Variants in R3HDM1 observed in about 807,000 individuals in gnomAD.
R3HDM1 encodes the protein R3H domain containing 1, also known as R3H domain-containing protein 1.
In R3HDM1, 46 loss-of-function variants were observed where a neutral mutation model predicts 141.1. The observed-to-expected ratio is 0.33, with a 90% CI of 0.26 to 0.42. The LOEUF (loss-of-function observed/expected upper bound fraction) is 0.42. Ranked by LOEUF, R3HDM1 falls within the 10% of genes least tolerant of loss-of-function variation. The pLI is 1.00. For synonymous variants in R3HDM1, 435 were observed against 472.9 expected (o/e 0.92, Z 1.04); for missense variants, 1,184 against 1,368.3 (o/e 0.87, Z 2.12).
rs562935327 is a variant in R3HDM1, at chr2:135,594,906, A to T, written c.-249-7594A>T. Among the ~76,000 whole-genome samples, 6 of 151,712 alleles carry T rather than the reference A, an allele frequency of 4.0e-5. No homozygotes were observed. The East Asian group carries it at 1.2e-3, about 29-fold the overall frequency. ...CTCCTGGTAACTTTATTACCAAATCATGTATACTCATTGTGATCTTCCACT... is the reference window on the plus strand; with the variant it reads ...CTCCTGGTAACTTTATTACCAAATCTTGTATACTCATTGTGATCTTCCACT... On this transcript the variant is annotated intron_variant, in intron 1 of 26. Coordinates refer to ENST00000683871, the MANE Select transcript of R3HDM1 (RefSeq NM_001378107.1).
At chr2:135,654,863 A>AGTGTGTGTGT (rs60593262) in intron 18 of R3HDM1, among the ~76,000 whole-genome samples, 8 of 136,708 alleles carry the variant, frequency 5.9e-5, no homozygotes, top group Admixed American at 4.2e-4. Flanking sequence ...GTGTATATAA[A>AGTGTGTGTGT]GTGTGTGTGT....
chr2:135,557,212 T>A (rs1017376821), intron 1 of R3HDM1, among the ~76,000 whole-genome samples: 3 of 152,202 alleles, frequency 2.0e-5, no homozygotes, highest in Non-Finnish European at 4.4e-5. Context: ...TTAGTAACCT[T>A]AAGGAAGTAT....
intron 1 of R3HDM1, among the ~76,000 whole-genome samples, chr2:135,558,499 T>TTA (rs78378460): frequency 0.093 from 14,193 of 152,252 alleles, 914 homozygotes; most frequent in South Asian, 0.31. Context: ...CCTTAGTGGG[T>TTA]TATTTTAAGG....
At chr2:135,587,088 C>A in intron 1 of R3HDM1, 1 of 698,542 alleles carries the variant, frequency 1.4e-6, no homozygotes, top group Non-Finnish European at 1.8e-6. Context: ...TTAACATAAT[C>A]AGATATCACA....
intron 1 of R3HDM1, among the ~76,000 whole-genome samples, chr2:135,541,865 AAAAAAAG>A (rs1337654512): frequency 2.2e-3 from 324 of 150,582 alleles, no homozygotes; most frequent in African/African-American, 5.8e-3. Context: ...AAAAAAAAAA[AAAAAAAG>A]AAAGAAAGAA....
intron 7 of R3HDM1, among the ~76,000 whole-genome samples, chr2:135,626,802 T>C (rs1277260256): frequency 1.3e-5 from 2 of 152,178 alleles, no homozygotes; most frequent in Non-Finnish European, 2.9e-5. Context: ...GCTATTCCTA[T>C]GCTAATAATA....
At chr2:135,722,899 C>T (rs906894195) in intron 26 of R3HDM1, among the ~76,000 whole-genome samples, 2 of 152,120 alleles carry the variant, frequency 1.3e-5, no homozygotes, top group Admixed American at 6.6e-5. Context: ...TATGTTGCCT[C>T]TCTGTGGTAA....
At chr2:135,675,669 C>T (rs1178701743) in intron 20 of R3HDM1, among the ~76,000 whole-genome samples, 183 bp downstream of exon 20, 5 of 151,980 alleles carry the variant, frequency 3.3e-5, no homozygotes, top group East Asian at 1.9e-4. Context: ...TTTTATTAGT[C>T]GTAGAAGCTT....
At chr2:135,555,638 G>A (rs1046131955) in intron 1 of R3HDM1, among the ~76,000 whole-genome samples, 5 of 152,174 alleles carry the variant, frequency 3.3e-5, no homozygotes, top group South Asian at 2.1e-4. Context: ...ACTATTTATC[G>A]TAGTGAAAAA....
At chr2:135,701,431 T>C (rs1322158425) in intron 21 of R3HDM1, among the ~76,000 whole-genome samples, 2 of 152,162 alleles carry the variant, frequency 1.3e-5, no homozygotes, top group East Asian at 3.9e-4. Flanking sequence ...TATATACACA[T>C]GCATACATAT....
intron 19 of R3HDM1, chr2:135,670,138 CAA>C (rs869047478): frequency 0.14 from 13,371 of 96,642 alleles, 385 homozygotes; most frequent in South Asian, 0.32. Flanking sequence ...GACTCAGTCT[CAA>C]AAAAAAAAAA....
intron 19 of R3HDM1, among the ~76,000 whole-genome samples, chr2:135,667,447 CACTT>C (rs1347101946): frequency 2.6e-5 from 4 of 151,824 alleles, no homozygotes; most frequent in Admixed American, 1.3e-4. Flanking sequence ...TGTTTGGTAT[CACTT>C]ACTATTGGCA....
intron 1 of R3HDM1, chr2:135,586,340 G>T (rs144156825): frequency 6.6e-6 from 1 of 152,578 alleles, no homozygotes; most frequent in South Asian, 2.1e-4. Flanking sequence ...AGTCCTCCTC[G>T]GCAAGTGCTT....
intron 1 of R3HDM1, among the ~76,000 whole-genome samples, chr2:135,537,277 C>CTTTT (rs1036767352): frequency 7.1e-5 from 6 of 84,454 alleles, no homozygotes; most frequent in African/African-American, 1.1e-4. Flanking sequence ...ATTAGTCTGT[C>CTTTT]TTTTTTTTTT....
intron 15 of R3HDM1, among the ~76,000 whole-genome samples, chr2:135,642,544 A>T (rs893374610): frequency 6.6e-6 from 1 of 152,216 alleles, no homozygotes; most frequent in Non-Finnish European, 1.5e-5. Flanking sequence ...AGAAAAAATG[A>T]TCTTGTAAAA....
rs191301956 is a variant in R3HDM1, at chr2:135,686,145, T to A, written c.2459+5821T>A. ...ATCACCTCACACCTGTTAAAATGGCTGTTATCAAAAAAATCAAAAGCTATT... is the reference window on the plus strand; with the variant it reads ...ATCACCTCACACCTGTTAAAATGGCAGTTATCAAAAAAATCAAAAGCTATT... On this transcript the variant is annotated intron_variant, in intron 21 of 26. Transcript: ENST00000683871. Among the ~76,000 whole-genome samples the A allele has an allele frequency of 4.6e-5, 7 of 152,250 alleles. No individual in the cohort carries two copies. In the East Asian group the frequency reaches 1.4e-3, roughly 29 times the overall value.
At chr2:135,663,362 G>GT (rs2067013875) in intron 19 of R3HDM1, among the ~76,000 whole-genome samples, 1 of 152,122 alleles carries the variant, frequency 6.6e-6, no homozygotes, top group Non-Finnish European at 1.5e-5. Context: ...TTTGAAAAAT[G>GT]TTTGACATTG....
At chr2:135,654,378 A>G (rs2065511859) in intron 18 of R3HDM1, among the ~76,000 whole-genome samples, 1 of 152,052 alleles carries the variant, frequency 6.6e-6, no homozygotes, top group South Asian at 2.1e-4. Flanking sequence ...TGTTCACACT[A>G]TTCATTCTTT....
At chr2:135,636,324 G>C (rs2063242149) in intron 11 of R3HDM1, 141 bp downstream of exon 11, 1 of 1,362,870 alleles carries the variant, frequency 7.3e-7, no homozygotes, top group Non-Finnish European at 9.6e-7. Flanking sequence ...GAAATATTGA[G>C]ATCAGTTTTG....
Sources: allele counts gnomAD v4.1 joint callset (sites outside exome capture counted in the v4.1 genomes callset), GRCh38; gene constraint gnomAD v4.1.1; transcripts MANE v1.5; gene names NCBI Gene and HGNC (gene_info 2026-07-23, HGNC 2026-07-21).